PKD2: variants seen among roughly 807,000 people sequenced by gnomAD.
PKD2 encodes the protein polycystin 2, transient receptor potential cation channel.
PKD2 carries 48 observed loss-of-function variants against 105.9 expected under a neutral mutation model. That is an observed-to-expected ratio of 0.45 (90% confidence interval 0.36 to 0.58). The LOEUF (loss-of-function observed/expected upper bound fraction) is 0.58, where lower values mean the gene tolerates loss of function less well. Ranked by LOEUF, PKD2 falls within the 20% of genes least tolerant of loss-of-function variation. The pLI is 0.00. For missense variants in PKD2, 1,078 were observed against 1,255.3 expected, an observed-to-expected ratio of 0.86 and a Z score of 2.13; for synonymous variants, 464 against 481.1, an observed-to-expected ratio of 0.96 and a Z score of 0.46.
chr4:88,070,565 T>G (rs1720973149), intron 13 of PKD2, among the ~76,000 whole-genome samples: 1 of 136,188 alleles, frequency 7.3e-6, no homozygotes, highest in Non-Finnish European at 1.6e-5. Flanking sequence ...ATTTATTTAT[T>G]TATTTATTTT....
chr4:88,053,477 C>A (rs184816880), intron 7 of PKD2, among the ~76,000 whole-genome samples: 1 of 151,726 alleles, frequency 6.6e-6, no homozygotes, highest in African/African-American at 2.4e-5. Flanking sequence ...GGCAACATGG[C>A]AAAACCTCAT....
rs1388192880 is a variant in PKD2, at chr4:88,008,188, G to A, written c.455G>A (p.Gly152Glu). The change falls in exon 1 of 15, where the codon GGG (glycine) becomes GAG (glutamate). Residue 152 changes from glycine (G) to glutamate (E), a missense_variant. Physicochemically the swap from Gly to Glu is moderately conservative, Grantham distance 98. Coordinates refer to ENST00000237596, the MANE Select transcript of PKD2 (RefSeq NM_000297.4). ...GGYHGAGHPS[G>E]RRRRREDQGP... ...TACCACGGCGCGGGCCACCCGAGCG[G>A]GAGGCGGCGCCGGCGAGAGGACCAG... is the stretch of plus-strand genomic sequence containing the variant. 7.3e-7 allele frequency: 1 copy of A among 1,365,422 alleles called. No homozygotes were observed. Among genetic ancestry groups the A allele is most frequent in the Non-Finnish European group, 9.4e-7 (1 of 1,068,364 alleles). 84.6% of individuals were successfully genotyped at this position (1,365,422 alleles called of 1,614,324 possible).
chr4:88,057,155 A>C (rs935853000), intron 8 of PKD2, among the ~76,000 whole-genome samples: 1 of 151,884 alleles, frequency 6.6e-6, no homozygotes, highest in African/African-American at 2.4e-5. Context: ...ATGCCTGGCC[A>C]ATTTTTAACT....
intron 2 of PKD2, among the ~76,000 whole-genome samples, chr4:88,020,816 C>T (rs905333829): frequency 6.6e-6 from 1 of 151,840 alleles, no homozygotes; most frequent in Non-Finnish European, 1.5e-5. Flanking sequence ...CAGTCACCCA[C>T]GTAGCTGGGA....
At chr4:88,015,439 G>A (rs570857642) in intron 1 of PKD2, among the ~76,000 whole-genome samples, 4 of 152,222 alleles carry the variant, frequency 2.6e-5, no homozygotes, top group African/African-American at 9.6e-5. Context: ...TTTAGACGGA[G>A]TTTCACTCTT....
intron 7 of PKD2, among the ~76,000 whole-genome samples, chr4:88,052,574 A>G (rs1346219464): frequency 6.6e-6 from 1 of 152,104 alleles, no homozygotes; most frequent in Non-Finnish European, 1.5e-5. Context: ...CAGGCCTCAT[A>G]TTTTACATAT....
chr4:88,041,906 G>A (rs1727578722), intron 4 of PKD2, among the ~76,000 whole-genome samples: 1 of 152,136 alleles, frequency 6.6e-6, no homozygotes, highest in African/African-American at 2.4e-5. Flanking sequence ...TTCTGCACAT[G>A]AGCCCTCTGT....
intron 4 of PKD2, 94 bp downstream of exon 4, chr4:88,038,595 C>T: frequency 7.4e-7 from 1 of 1,353,148 alleles, no homozygotes; most frequent in Admixed American, 1.7e-5. Flanking sequence ...ACACCTTCAC[C>T]AAGGCAAAAA....
chr4:88,075,202 TGA>T (rs1437180139), intron 14 of PKD2, among the ~76,000 whole-genome samples: 2 of 152,244 alleles, frequency 1.3e-5, no homozygotes, highest in Non-Finnish European at 2.9e-5. Context: ...ACCCTTAGGC[TGA>T]GATGTTTATC....
intron 13 of PKD2, among the ~76,000 whole-genome samples, chr4:88,070,589 T>TAGAGAG (rs1267877930): frequency 7.6e-5 from 8 of 105,314 alleles, no homozygotes; most frequent in African/African-American, 1.9e-4. Flanking sequence ...TATATATATA[T>TAGAGAG]ATATATATAT....
intron 2 of PKD2, among the ~76,000 whole-genome samples, chr4:88,024,963 T>TA (rs1372562836): frequency 4.0e-5 from 6 of 151,878 alleles, no homozygotes; most frequent in African/African-American, 1.5e-4. Context: ...TGAAACCCCA[T>TA]CTCTACTAAA....
chr4:88,009,545 G>A (rs1726316136), intron 1 of PKD2, among the ~76,000 whole-genome samples: 1 of 151,792 alleles, frequency 6.6e-6, no homozygotes, highest in Non-Finnish European at 1.5e-5. Context: ...CTCTTTGGGA[G>A]AATTAAGTGA....
intron 4 of PKD2, among the ~76,000 whole-genome samples, chr4:88,041,624 G>T (rs1727567640): frequency 6.6e-6 from 1 of 152,206 alleles, no homozygotes; most frequent in South Asian, 2.1e-4. Flanking sequence ...TAGAGACTCA[G>T]TGCCTGGGGT....
chr4:88,064,310 C>G (rs1408303328), intron 10 of PKD2, among the ~76,000 whole-genome samples: 2 of 152,172 alleles, frequency 1.3e-5, no homozygotes, highest in Admixed American at 6.5e-5. Flanking sequence ...TTAAACTACT[C>G]TGGATACATT....
At chr4:88,063,111 G>C (rs1720641218) in intron 10 of PKD2, among the ~76,000 whole-genome samples, 1 of 152,184 alleles carries the variant, frequency 6.6e-6, no homozygotes, top group African/African-American at 2.4e-5. Flanking sequence ...CAGGCTCACT[G>C]GTCAGTCATG....
intron 6 of PKD2, among the ~76,000 whole-genome samples, chr4:88,048,091 A>G (rs1727841791): frequency 6.6e-6 from 1 of 152,360 alleles, no homozygotes; most frequent in Non-Finnish European, 1.5e-5. Flanking sequence ...ATTTAAGCAT[A>G]TAACAACATG....
chr4:88,064,946 G>A (rs1372528822), intron 10 of PKD2, among the ~76,000 whole-genome samples: 1 of 151,988 alleles, frequency 6.6e-6, no homozygotes, highest in Non-Finnish European at 1.5e-5. Flanking sequence ...TTGTTTGTTT[G>A]TTTGTTTATA....
intron 3 of PKD2, among the ~76,000 whole-genome samples, chr4:88,037,599 ATCTT>A (rs1215010096): frequency 6.6e-6 from 1 of 152,226 alleles, no homozygotes; most frequent in African/African-American, 2.4e-5. Flanking sequence ...TATAATATGA[ATCTT>A]TCACCATCTG....
chr4:88,038,325 A>C lies in PKD2; in HGVS notation c.918A>C (p.Arg306=). 1 of 1,613,894 alleles carries C rather than the reference A, an allele frequency of 6.2e-7. No homozygotes were observed. Among genetic ancestry groups the C allele is most frequent in the Non-Finnish European group, 8.5e-7 (1 of 1,179,790 alleles). ...GCAACCAGACTGAAGCTGACAACCG[A>C]AGTTTCATCTTCTATGAGAACCTGC... is the stretch of plus-strand genomic sequence containing the variant. The part of the protein sequence containing the change: ...QPSNQTEADN[R]SFIFYENLLL... Residue 306 remains arginine, a synonymous_variant, in exon 4 of 15, where the codon CGA becomes CGC. Coordinates refer to ENST00000237596, the MANE Select transcript of PKD2 (RefSeq NM_000297.4).
Sources: gnomAD v4.1 joint callset for allele counts (sites outside exome capture counted in the v4.1 genomes callset) on GRCh38, gnomAD v4.1.1 for gene constraint, MANE v1.5 for transcripts, NCBI Gene and HGNC (gene_info 2026-07-23, HGNC 2026-07-21) for gene names.